PTPRG: variants seen among roughly 807,000 people sequenced by gnomAD.
PTPRG encodes the protein protein tyrosine phosphatase receptor type G, also known as receptor-type tyrosine-protein phosphatase gamma.
In PTPRG, 102 loss-of-function variants were observed where a neutral mutation model predicts 165.3. The observed-to-expected ratio is 0.62, with a 90% CI of 0.53 to 0.73. PTPRG has a LOEUF of 0.73. Ranked by LOEUF, PTPRG falls within the 30% of genes least tolerant of loss-of-function variation. The pLI is 0.00. For missense variants in PTPRG, 1,866 were observed against 1,861.4 expected, an observed-to-expected ratio of 1.00 and a Z score of -0.05; for synonymous variants, 675 against 669.5, an observed-to-expected ratio of 1.01 and a Z score of -0.13.
At chr3:61,752,785 C>CAAAAAAAAAAAAAAAA (rs749817659) in intron 2 of PTPRG, among the ~76,000 whole-genome samples, 13 of 69,974 alleles carry the variant, frequency 1.9e-4, no homozygotes, top group South Asian at 7.7e-4. Flanking sequence ...AAGACTGTCT[C>CAAAAAAAAAAAAAAAA]AAAAAAAAAA....
intron 16 of PTPRG, among the ~76,000 whole-genome samples, chr3:62,259,971 G>A (rs575287120): frequency 4.9e-4 from 74 of 152,308 alleles, no homozygotes; most frequent in African/African-American, 1.7e-3. Context: ...CTCTCCACAC[G>A]TTTCTGAGGA....
At chr3:61,668,081 G>A (rs1702858456) in intron 1 of PTPRG, among the ~76,000 whole-genome samples, 1 of 152,236 alleles carries the variant, frequency 6.6e-6, no homozygotes, top group Non-Finnish European at 1.5e-5. Context: ...GGCTTGCCAA[G>A]CCTAAAATAT....
At chr3:62,206,912 CAAAA>C (rs556974355) in intron 12 of PTPRG, among the ~76,000 whole-genome samples, 4 of 37,336 alleles carry the variant, frequency 1.1e-4, no homozygotes, top group Non-Finnish European at 1.8e-4. Context: ...GACTCTGTCT[CAAAA>C]AAAAAAAAAA....
rs140093145 is a variant in PTPRG at position 62,117,212 on chromosome 3, A to G, written c.616-15390A>G. On this transcript the variant is annotated intron_variant, in intron 5 of 29. Coordinates refer to ENST00000474889, the MANE Select transcript of PTPRG (RefSeq NM_002841.4). ...AAGGAGGCAATGAAGCATGCAATAC[A>G]TTTTACAAAGGTTTCATCTGAAAAT... Among the ~76,000 whole-genome samples the G allele has an allele frequency of 4.1e-3, 625 of 152,322 alleles. 5 individuals are homozygous for G. The highest frequency in any genetic ancestry group is 0.014 in the African/African-American group (598 of 41,574).
chr3:61,683,683 G>T (rs1445403449), intron 1 of PTPRG, among the ~76,000 whole-genome samples: 3 of 152,158 alleles, frequency 2.0e-5, no homozygotes, highest in Admixed American at 2.0e-4. Context: ...TTCGTTCTCT[G>T]TCGTGCTTGA....
At chr3:61,584,721 AT>A (rs1700391656) in intron 1 of PTPRG, among the ~76,000 whole-genome samples, 1 of 151,914 alleles carries the variant, frequency 6.6e-6, no homozygotes, top group Non-Finnish European at 1.5e-5. Context: ...CATCTGAATC[AT>A]TTTTGTGTTT....
chr3:61,679,264 C>T (rs112544743), intron 1 of PTPRG, among the ~76,000 whole-genome samples: 4 of 152,144 alleles, frequency 2.6e-5, no homozygotes, highest in Non-Finnish European at 4.4e-5. Context: ...AGCCCAACTG[C>T]GCATTGGGTT....
At chr3:62,150,772 T>C (rs1704305462) in intron 6 of PTPRG, among the ~76,000 whole-genome samples, 1 of 152,180 alleles carries the variant, frequency 6.6e-6, no homozygotes, top group African/African-American at 2.4e-5. Flanking sequence ...AATTGGTCCT[T>C]TGTTTAGGGA....
At chr3:61,978,348 G>A (rs9311831) in intron 2 of PTPRG, among the ~76,000 whole-genome samples, 70,219 of 151,682 alleles carry the variant, frequency 0.46, 17,029 homozygotes, top group African/African-American at 0.63. Flanking sequence ...GTTAATATGT[G>A]GAAATGCTTT....
intron 2 of PTPRG, among the ~76,000 whole-genome samples, chr3:61,921,182 G>A (rs1242760974): frequency 1.4e-5 from 2 of 147,508 alleles, no homozygotes; most frequent in Non-Finnish European, 3.0e-5. Flanking sequence ...CTACAGCTTA[G>A]GGAAAAAGAT....
intron 1 of PTPRG, among the ~76,000 whole-genome samples, chr3:61,648,171 C>T (rs1341716829): frequency 6.6e-6 from 1 of 152,144 alleles, no homozygotes; most frequent in Non-Finnish European, 1.5e-5. Flanking sequence ...GTGTTGTGGA[C>T]CCCCATGGTG....
At chr3:62,018,750 T>A (rs2041612165) in intron 4 of PTPRG, among the ~76,000 whole-genome samples, 1 of 152,096 alleles carries the variant, frequency 6.6e-6, no homozygotes, top group South Asian at 2.1e-4. Flanking sequence ...TAGGACAAAA[T>A]GTGGGCAGGT....
At chr3:61,852,872 A>T (rs1281455173) in intron 2 of PTPRG, among the ~76,000 whole-genome samples, 8 of 152,232 alleles carry the variant, frequency 5.3e-5, no homozygotes, top group Admixed American at 5.2e-4. Flanking sequence ...ATGGACATAC[A>T]TGCATGGACT....
At chr3:62,082,221 A>G (rs1323862750) in intron 5 of PTPRG, among the ~76,000 whole-genome samples, 1 of 152,140 alleles carries the variant, frequency 6.6e-6, no homozygotes, top group African/African-American at 2.4e-5. Context: ...ATTTTTCACT[A>G]TCCATGCTTC....
At chr3:62,078,525 G>A (rs564633252) in intron 5 of PTPRG, among the ~76,000 whole-genome samples, 3 of 152,018 alleles carry the variant, frequency 2.0e-5, no homozygotes, top group Admixed American at 1.3e-4. Flanking sequence ...AAGTTACTTC[G>A]CCGCTGAAGC....
At chr3:62,098,033 T>A (rs1294541581) in intron 5 of PTPRG, among the ~76,000 whole-genome samples, 1 of 152,218 alleles carries the variant, frequency 6.6e-6, no homozygotes, top group Admixed American at 6.5e-5. Context: ...AATTCGAGGT[T>A]ATCTTCATTA....
At chr3:61,657,338 CA>C (rs777478098) in intron 1 of PTPRG, among the ~76,000 whole-genome samples, 24 of 152,192 alleles carry the variant, frequency 1.6e-4, no homozygotes, top group South Asian at 1.2e-3. Flanking sequence ...TAACCAGTTT[CA>C]GGGGGAGAAG....
At chr3:61,827,865 C>T (rs1021894641) in intron 2 of PTPRG, among the ~76,000 whole-genome samples, 1 of 151,984 alleles carries the variant, frequency 6.6e-6, no homozygotes, top group Non-Finnish European at 1.5e-5. Flanking sequence ...TTATATAGTA[C>T]CTTAAATATG....
intron 1 of PTPRG, among the ~76,000 whole-genome samples, chr3:61,623,778 A>C (rs1316888719): frequency 6.6e-6 from 1 of 152,222 alleles, no homozygotes; most frequent in Non-Finnish European, 1.5e-5. Context: ...TGTTTGTAGA[A>C]GTCACATACA....
Sources: gnomAD v4.1 joint callset for allele counts (sites outside exome capture counted in the v4.1 genomes callset) on GRCh38, gnomAD v4.1.1 for gene constraint, MANE v1.5 for transcripts, NCBI Gene and HGNC (gene_info 2026-07-23, HGNC 2026-07-21) for gene names.